SDK1: variants seen among roughly 807,000 people sequenced by gnomAD.
SDK1 encodes the protein protein sidekick-1.
Under a neutral mutation model 245.5 loss-of-function variants are expected in SDK1, and 157 were observed. That is an observed-to-expected ratio of 0.64 (90% confidence interval 0.56 to 0.73). The LOEUF (loss-of-function observed/expected upper bound fraction) is 0.73, where lower values mean the gene tolerates loss of function less well. Among genes scored for constraint, SDK1 ranks in the 30% least tolerant of loss-of-function variants. The pLI is 0.00. For synonymous variants in SDK1, 1,647 were observed against 1,278.5 expected (o/e 1.29, Z -6.15); for missense variants, 3,583 against 3,002.3 (o/e 1.19, Z -4.52).
intron 1 of SDK1, among the ~76,000 whole-genome samples, chr7:3,360,178 T>C (rs1780914922): frequency 6.6e-6 from 1 of 152,184 alleles, no homozygotes; most frequent in African/African-American, 2.4e-5. Flanking sequence ...TATTCAGTGG[T>C]AGAATGTAAA....
At chr7:4,013,295 G>GT (rs1562668543) in intron 16 of SDK1, among the ~76,000 whole-genome samples, 1 of 152,234 alleles carries the variant, frequency 6.6e-6, no homozygotes, top group Non-Finnish European at 1.5e-5. Context: ...GATCATTGCA[G>GT]TAGCCTGTTG....
chr7:3,729,005 C>G (rs1421783378), intron 4 of SDK1, among the ~76,000 whole-genome samples: 1 of 152,114 alleles, frequency 6.6e-6, no homozygotes, highest in Non-Finnish European at 1.5e-5. Flanking sequence ...TATAGGATGC[C>G]AACGGTGTCT....
intron 1 of SDK1, among the ~76,000 whole-genome samples, chr7:3,405,389 G>T (rs185541062): frequency 6.6e-6 from 1 of 152,070 alleles, no homozygotes; most frequent in Non-Finnish European, 1.5e-5. Context: ...ACACTGAAGT[G>T]CCCAAGTTGC....
chr7:3,549,961 C>T (rs1779347193), intron 1 of SDK1, among the ~76,000 whole-genome samples: 1 of 151,982 alleles, frequency 6.6e-6, no homozygotes, highest in African/African-American at 2.4e-5. Flanking sequence ...TATTTAGGGT[C>T]TCCTTTAACC....
At position 4,049,424 on chromosome 7, in the gene SDK1, G is replaced by C; in HGVS notation, c.2679G>C (p.Pro893=). 1 of 1,614,062 alleles carries C rather than the reference G, an allele frequency of 6.2e-7. No homozygotes were observed. The highest frequency in any genetic ancestry group is 1.1e-5 in the South Asian group (1 of 91,072). The change falls in exon 18 of 45, where the codon CCG becomes CCC. Residue 893 remains proline, a synonymous_variant. Transcript: ENST00000404826. ...CCATTCAGTTCCTGTGGAACCCTCC[G>C]CCTCAGCAGTTTATCAATGGCATCA... is the stretch of plus-strand genomic sequence containing the variant. ...STTIQFLWNP[P]PQQFINGINQ...
At chr7:3,715,065 A>G (rs754074318) in intron 4 of SDK1, among the ~76,000 whole-genome samples, 3 of 152,208 alleles carry the variant, frequency 2.0e-5, no homozygotes, top group Admixed American at 6.5e-5. Flanking sequence ...AGCTTCTCCA[A>G]TGATGGCTTA....
At chr7:3,879,081 C>T (rs915973785) in intron 5 of SDK1, among the ~76,000 whole-genome samples, 1 of 152,102 alleles carries the variant, frequency 6.6e-6, no homozygotes, top group Non-Finnish European at 1.5e-5. Context: ...AGTTGGTCTC[C>T]CCACCTTTAC....
intron 1 of SDK1, among the ~76,000 whole-genome samples, chr7:3,587,739 G>A (rs1371777508): frequency 6.6e-6 from 1 of 152,218 alleles, no homozygotes; most frequent in Non-Finnish European, 1.5e-5. Flanking sequence ...TGGGCACCCC[G>A]TGGCCCACTC....
chr7:3,302,657 C>G (rs531782578), intron 1 of SDK1, among the ~76,000 whole-genome samples: 1 of 150,586 alleles, frequency 6.6e-6, no homozygotes, highest in South Asian at 2.1e-4. Context: ...CCCCTGCCAG[C>G]TAGCATCGTT....
In SDK1 at chr7:4,242,728, G is replaced by A. The variant is rs751265756; in HGVS notation, c.6251+815G>A. ...TTGGATTAGACTCAGCTGCAAGGGT[G>A]TGGAAATCACACATCATCCAGACCC... On this transcript the variant is annotated intron_variant, in intron 43 of 44. Transcript: ENST00000404826. 6.6e-4 allele frequency among the ~76,000 whole-genome samples: 101 copies of A among 152,224 alleles called. 2 individuals carry two copies. Among genetic ancestry groups the A allele is most frequent in the Non-Finnish European group, 7.1e-4 (48 of 68,052 alleles).
intron 2 of SDK1, among the ~76,000 whole-genome samples, chr7:3,629,714 T>C (rs1262271530): frequency 6.6e-6 from 1 of 152,246 alleles, no homozygotes; most frequent in African/African-American, 2.4e-5. Flanking sequence ...AATGAATATT[T>C]ATAGGAATGC....
At chr7:3,855,964 G>C (rs1228716746) in intron 5 of SDK1, among the ~76,000 whole-genome samples, 1 of 152,098 alleles carries the variant, frequency 6.6e-6, no homozygotes, top group Non-Finnish European at 1.5e-5. Flanking sequence ...CAGTAAAAAA[G>C]CTGCATAAAA....
chr7:4,158,772 G>A (rs888091070), intron 31 of SDK1, among the ~76,000 whole-genome samples: 1 of 152,226 alleles, frequency 6.6e-6, no homozygotes, highest in Non-Finnish European at 1.5e-5. Context: ...TCTTTGATTG[G>A]CTTCTAAAGC....
chr7:3,900,484 T>C (rs1461827958), intron 5 of SDK1, among the ~76,000 whole-genome samples: 1 of 152,214 alleles, frequency 6.6e-6, no homozygotes, highest in African/African-American at 2.4e-5. Flanking sequence ...GTTTAACTCA[T>C]CATTGCTTCT....
At chr7:3,477,834 A>G (rs1213583136) in intron 1 of SDK1, among the ~76,000 whole-genome samples, 1 of 152,054 alleles carries the variant, frequency 6.6e-6, no homozygotes, top group East Asian at 1.9e-4. Context: ...TTTTTTATAT[A>G]TAAAACGTAT....
intron 44 of SDK1, among the ~76,000 whole-genome samples, chr7:4,253,016 T>C (rs1787413787): frequency 6.6e-6 from 1 of 152,164 alleles, no homozygotes; most frequent in African/African-American, 2.4e-5. Flanking sequence ...ATTTTAATAA[T>C]TTGAGTCCTC....
intron 4 of SDK1, among the ~76,000 whole-genome samples, chr7:3,791,987 A>G (rs1781107882): frequency 6.6e-6 from 1 of 151,870 alleles, no homozygotes; most frequent in African/African-American, 2.4e-5. Flanking sequence ...AATTAGCCAG[A>G]TGTAGTGGTT....
chr7:3,398,396 C>G (rs1778783450), intron 1 of SDK1, among the ~76,000 whole-genome samples: 1 of 151,956 alleles, frequency 6.6e-6, no homozygotes. Flanking sequence ...TGGGCTGTGA[C>G]CTTCAGAAGA....
intron 1 of SDK1, among the ~76,000 whole-genome samples, chr7:3,334,890 A>G (rs1388850598): frequency 6.6e-6 from 1 of 151,900 alleles, no homozygotes. Context: ...TTTTTTTTCA[A>G]ATCTCTCTCA....
Sources: allele counts gnomAD v4.1 joint callset (sites outside exome capture counted in the v4.1 genomes callset), GRCh38; gene constraint gnomAD v4.1.1; transcripts MANE v1.5; gene names NCBI Gene and HGNC (gene_info 2026-07-23, HGNC 2026-07-21).